Variants in LRRTM4 observed in about 807,000 individuals in gnomAD.
LRRTM4 encodes leucine rich repeat transmembrane neuronal 4.
Under a neutral mutation model 47.6 loss-of-function variants are expected in LRRTM4, and 25 were observed. The observed-to-expected ratio is 0.53, with a 90% CI of 0.38 to 0.73. LRRTM4 has a LOEUF of 0.73. Among genes scored for constraint, LRRTM4 ranks in the 30% least tolerant of loss-of-function variants. The pLI is 0.00. For synonymous variants in LRRTM4, 311 were observed against 269.5 expected, an observed-to-expected ratio of 1.15 and a Z score of -1.51; for missense variants, 638 against 713.4, an observed-to-expected ratio of 0.89 and a Z score of 1.20.
At chr2:76,873,462 GTGTGTGTGTGTATATATATA>G (rs1672686534) in intron 3 of LRRTM4, among the ~76,000 whole-genome samples, 1 of 106,672 alleles carries the variant, frequency 9.4e-6, no homozygotes, top group Non-Finnish European at 1.7e-5. Flanking sequence ...TATATATAAC[GTGTGTGTGTGTATATATATA>G]TGTGTGTGTG....
At chr2:76,836,166 A>G (rs2103913914) in intron 3 of LRRTM4, among the ~76,000 whole-genome samples, 1 of 151,962 alleles carries the variant, frequency 6.6e-6, no homozygotes, top group Non-Finnish European at 1.5e-5. Context: ...CGGTAAAAAA[A>G]AAAAAAAAAT....
chr2:76,844,026 C>T (rs1217108777), intron 3 of LRRTM4, among the ~76,000 whole-genome samples: 6 of 150,546 alleles, frequency 4.0e-5, no homozygotes, highest in East Asian at 2.0e-4. Context: ...CTCAGCCTCC[C>T]GATTAGCTGG....
chr2:77,421,440 G>A lies in LRRTM4; in HGVS notation c.1551+96878C>T, dbSNP rs573216330. Reference sequence around the variant, plus strand: ...GGAAGAGTCCAGGCCGGGCGTGGTGGCTCATGCCTATAATCCCAGCACTTC... The same window carrying A: ...GGAAGAGTCCAGGCCGGGCGTGGTGACTCATGCCTATAATCCCAGCACTTC... On this transcript the variant is annotated intron_variant, in intron 3 of 3. Transcript: ENST00000409884. Among the ~76,000 whole-genome samples the A allele has an allele frequency of 2.0e-5, 3 of 152,258 alleles. No homozygotes were observed. In the South Asian group the frequency reaches 6.2e-4, roughly 32 times the overall value.
At chr2:76,995,116 T>C (rs1421492072) in intron 3 of LRRTM4, among the ~76,000 whole-genome samples, 2 of 151,998 alleles carry the variant, frequency 1.3e-5, no homozygotes, top group Non-Finnish European at 2.9e-5. Flanking sequence ...GTGTGCTCTG[T>C]AGAACTAAAG....
chr2:76,890,812 T>A (rs1257063973), intron 3 of LRRTM4, among the ~76,000 whole-genome samples: 1 of 151,886 alleles, frequency 6.6e-6, no homozygotes, highest in Non-Finnish European at 1.5e-5. Flanking sequence ...AAATATAACT[T>A]CAAACCAGCA....
At chr2:77,259,301 C>T (rs1415083763) in intron 3 of LRRTM4, among the ~76,000 whole-genome samples, 3 of 151,966 alleles carry the variant, frequency 2.0e-5, no homozygotes, top group African/African-American at 7.2e-5. Flanking sequence ...AAAGTGGAAA[C>T]AATAATACTG....
chr2:77,282,842 C>A (rs1676544850), intron 3 of LRRTM4, among the ~76,000 whole-genome samples: 1 of 151,910 alleles, frequency 6.6e-6, no homozygotes, highest in Non-Finnish European at 1.5e-5. Flanking sequence ...CAAACATTAA[C>A]TCAAGATGGA....
chr2:77,498,844 A>G (rs1457055699), intron 3 of LRRTM4, among the ~76,000 whole-genome samples: 1 of 151,866 alleles, frequency 6.6e-6, no homozygotes, highest in Non-Finnish European at 1.5e-5. Flanking sequence ...CCATGTCATC[A>G]ACAAAATCCT....
rs1256837711 is a variant in LRRTM4 at position 77,000,486 on chromosome 2, T to C, written c.1552-251570A>G. On this transcript the variant is annotated intron_variant, in intron 3 of 3. Transcript: ENST00000409884. ...GTCAGTTGTATCTACAACACGTAAG[T>C]AGTAAAGGGGTTGCTAAGCAACTTC... Among the ~76,000 whole-genome samples the C allele has an allele frequency of 2.6e-5, 4 of 152,302 alleles. No homozygotes were observed. The East Asian group carries it at 5.8e-4, about 22-fold the overall frequency.
chr2:76,831,822 T>A (rs756400542), intron 3 of LRRTM4, among the ~76,000 whole-genome samples: 3 of 152,060 alleles, frequency 2.0e-5, no homozygotes, highest in Admixed American at 6.6e-5. Flanking sequence ...TTAAAAAAAA[T>A]TGTATGTTTA....
intron 3 of LRRTM4, among the ~76,000 whole-genome samples, chr2:77,000,980 T>C (rs1006859950): frequency 5.3e-5 from 8 of 152,110 alleles, no homozygotes; most frequent in Admixed American, 6.6e-5. Context: ...GGGAGAACGA[T>C]TTGAGACATT....
intron 3 of LRRTM4, among the ~76,000 whole-genome samples, chr2:77,399,861 C>G (rs1573362997): frequency 6.6e-6 from 1 of 151,802 alleles, no homozygotes; most frequent in South Asian, 2.1e-4. Flanking sequence ...TCTTTTTGCT[C>G]CCTCCTCACT....
intron 3 of LRRTM4, among the ~76,000 whole-genome samples, chr2:77,049,115 TCATTTTTTATATATATA>T (rs1333012465): frequency 8.6e-6 from 1 of 116,618 alleles, no homozygotes; most frequent in African/African-American, 3.5e-5. Flanking sequence ...AAATAATATT[TCATTTTTTATATATATA>T]TATATATATA....
intron 3 of LRRTM4, among the ~76,000 whole-genome samples, chr2:76,875,751 A>G (rs1370316186): frequency 6.6e-6 from 1 of 152,160 alleles, no homozygotes; most frequent in Non-Finnish European, 1.5e-5. Flanking sequence ...GTGTGTATCT[A>G]TGTTGAGATT....
At chr2:76,926,284 AAATT>A (rs34002334) in intron 3 of LRRTM4, among the ~76,000 whole-genome samples, 1,609 of 152,276 alleles carry the variant, frequency 0.011, 44 homozygotes, top group African/African-American at 0.037. Flanking sequence ...AGACTACAAT[AAATT>A]GTCTTACAAA....
At chr2:76,962,076 A>G (rs897464472) in intron 3 of LRRTM4, among the ~76,000 whole-genome samples, 2 of 151,230 alleles carry the variant, frequency 1.3e-5, no homozygotes, top group African/African-American at 4.8e-5. Flanking sequence ...GCCCTTATAG[A>G]GTCTCTACTG....
intron 3 of LRRTM4, among the ~76,000 whole-genome samples, chr2:76,798,035 G>GATCAA (rs1476779327): frequency 6.8e-6 from 1 of 147,548 alleles, no homozygotes; most frequent in Non-Finnish European, 1.5e-5. Context: ...ACATTAGACA[G>GATCAA]ATCAATGAGA....
At chr2:76,859,127 T>C (rs140218931) in intron 3 of LRRTM4, among the ~76,000 whole-genome samples, 53 of 152,290 alleles carry the variant, frequency 3.5e-4, no homozygotes, top group African/African-American at 1.1e-3. Context: ...TTGCACTTCA[T>C]AAAAATACCA....
At chr2:77,049,157 T>TACACAC (rs1336101809) in intron 3 of LRRTM4, among the ~76,000 whole-genome samples, 103 of 106,312 alleles carry the variant, frequency 9.7e-4, no homozygotes, top group African/African-American at 4.9e-3. Context: ...TATATATATA[T>TACACAC]ACACACACAC....
Sources: allele counts gnomAD v4.1 joint callset (sites outside exome capture counted in the v4.1 genomes callset), GRCh38; gene constraint gnomAD v4.1.1; transcripts MANE v1.5; gene names NCBI Gene and HGNC (gene_info 2026-07-23, HGNC 2026-07-21).